ECD: variants seen among roughly 807,000 people sequenced by gnomAD.
ECD encodes protein ecdysoneless homolog.
ECD carries 59 observed loss-of-function variants against 77.2 expected under a neutral mutation model. The ratio of observed to expected loss-of-function variants is 0.76; its 90% CI spans 0.62 to 0.95. ECD has a LOEUF of 0.95. Ranked by LOEUF, ECD falls within the 40% of genes least tolerant of loss-of-function variation. ECD has a pLI of 0.00. For missense variants in ECD, 704 were observed against 763.4 expected (o/e 0.92, Z 0.92); for synonymous variants, 233 against 267.4 (o/e 0.87, Z 1.26).
At chr10:73,162,269 T>C (rs935341005) in intron 2 of ECD, among the ~76,000 whole-genome samples, 1 of 152,216 alleles carries the variant, frequency 6.6e-6, no homozygotes, top group Admixed American at 6.5e-5. Context: ...GGGTCTACAC[T>C]GAAGCCAAAT....
chr10:73,155,957 ATACT>A (rs1279056942), intron 5 of ECD, among the ~76,000 whole-genome samples: 1 of 152,154 alleles, frequency 6.6e-6, no homozygotes, highest in Non-Finnish European at 1.5e-5. Context: ...GATATAGCTA[ATACT>A]TAGCCACAAT....
At position 73,156,587 on chromosome 10, in the gene ECD, G is replaced by C; in HGVS notation, c.392C>G (p.Pro131Arg). The C allele has an allele frequency of 6.2e-7, 1 of 1,614,068 alleles. No individual in the cohort carries two copies. The highest frequency in any genetic ancestry group is 8.5e-7 in the Non-Finnish European group (1 of 1,180,026). The change falls in exon 4 of 14, where the codon CCT becomes CGT. Residue 131 changes from proline to arginine, a missense_variant. Pro to Arg is a moderately radical substitution (Grantham distance 103, BLOSUM62 -2). Coordinates refer to ENST00000372979, the MANE Select transcript of ECD (RefSeq NM_007265.3). ...AADFLPKWLDPENSTNRVFFC... is the reference protein window; with the variant it reads ...AADFLPKWLDRENSTNRVFFC... Reference sequence around the variant, plus strand: ...ACTTACCCTATTGGTGCTATTTTCAGGATCCAGCCATTTAGGGAGAAAGTC... The same window carrying C: ...ACTTACCCTATTGGTGCTATTTTCACGATCCAGCCATTTAGGGAGAAAGTC...
intron 5 of ECD, among the ~76,000 whole-genome samples, chr10:73,155,313 G>A (rs1468165551): frequency 6.6e-6 from 1 of 151,924 alleles, no homozygotes; most frequent in Non-Finnish European, 1.5e-5. Flanking sequence ...TGATCCACCC[G>A]CCCTGGCCTC....
intron 2 of ECD, among the ~76,000 whole-genome samples, chr10:73,162,336 C>T (rs770809853): frequency 8.5e-5 from 13 of 152,156 alleles, no homozygotes; most frequent in Admixed American, 1.3e-4. Flanking sequence ...TCTGACTGAA[C>T]ATGGTGAAGT....
chr10:73,152,508 C>T, intron 6 of ECD, 87 bp from the exon 7 acceptor site: 1 of 1,430,986 alleles, frequency 7.0e-7, no homozygotes, highest in Non-Finnish European at 9.6e-7. Flanking sequence ...ATGAGAAGTC[C>T]ATTTATAAGC....
rs187562446 is a variant in ECD at position 73,161,240 on chromosome 10, T to C, written c.206-689A>G. ...ATAAACATTACAGCAGAGAGAAATA[T>C]AGAGACCAGAAAAAATAATAGAAAA... On this transcript the variant is annotated intron_variant, in intron 2 of 13. Transcript: ENST00000372979. Among the ~76,000 whole-genome samples, 26 of 149,044 alleles carry C rather than the reference T, an allele frequency of 1.7e-4. No individual in the cohort carries two copies. The East Asian group carries it at 4.3e-3, about 25-fold the overall frequency.
chr10:73,148,336 C>T lies in ECD; in HGVS notation c.981G>A (p.Val327=). 6.2e-7 allele frequency: 1 copy of T among 1,613,912 alleles called. No homozygotes were observed. Among genetic ancestry groups the T allele is most frequent in the Non-Finnish European group, 8.5e-7 (1 of 1,179,894 alleles). ...AACTGGCCCAGAGTGGTGAGGCAGT[C>T]ACAAGGGATTTCTTGCAGTCAGAAA... is the stretch of plus-strand genomic sequence containing the variant. The part of the protein sequence containing the change: ...PHFSDCKKSL[V]TASPLWASFL... Residue 327 remains valine, a synonymous_variant, in exon 8 of 14, where the codon GTG becomes GTA. Coordinates refer to ENST00000372979, the MANE Select transcript of ECD (RefSeq NM_007265.3).
At position 73,134,780 on chromosome 10, in the gene ECD, C is replaced by A. The variant is rs762346877; in HGVS notation, c.1738G>T (p.Asp580Tyr). 4 of 1,614,160 alleles carry A rather than the reference C, an allele frequency of 2.5e-6. No individual in the cohort carries two copies. The highest frequency in any genetic ancestry group is 3.4e-6 in the Non-Finnish European group (4 of 1,180,036). Reference sequence around the variant, plus strand: ...TCTCCCGTACCAGAATCTTCCTCATCTGAATTGTTATCGGTAGTCTGGGAT... The same window carrying A: ...TCTCCCGTACCAGAATCTTCCTCATATGAATTGTTATCGGTAGTCTGGGAT... Reference protein sequence around the residue: ...PVSQTTDNNSDEEDSGTGESV... With the variant: ...PVSQTTDNNSYEEDSGTGESV... Residue 580 changes from aspartate (D) to tyrosine (Y), a missense_variant, in exon 14 of 14, where the codon GAT (aspartate) becomes TAT (tyrosine). By Grantham distance (160) the Asp-to-Tyr change is radical (BLOSUM62 -3). Coordinates refer to ENST00000372979, the MANE Select transcript of ECD (RefSeq NM_007265.3).
At chr10:73,138,165 GAT>G (rs1843002459) in intron 11 of ECD, 95 bp from the exon 12 acceptor site, 1 of 944,926 alleles carries the variant, frequency 1.1e-6, no homozygotes, top group Non-Finnish European at 1.4e-6. Context: ...AGCTACCAAA[GAT>G]AGAATTTCTA....
At chr10:73,158,954 T>A (rs1843339477) in intron 3 of ECD, among the ~76,000 whole-genome samples, 1 of 151,990 alleles carries the variant, frequency 6.6e-6, no homozygotes, top group East Asian at 1.9e-4. Flanking sequence ...ATAAAATGAG[T>A]TATCGCTTAG....
chr10:73,150,057 C>T (rs965060987), intron 7 of ECD, among the ~76,000 whole-genome samples: 3 of 152,094 alleles, frequency 2.0e-5, no homozygotes, highest in Non-Finnish European at 4.4e-5. Flanking sequence ...AAAGAGCCTG[C>T]ATTGCCAAGT....
chr10:73,148,892 G>A (rs948211885), intron 7 of ECD, among the ~76,000 whole-genome samples: 12 of 152,120 alleles, frequency 7.9e-5, no homozygotes, highest in Non-Finnish European at 1.8e-4. Context: ...TCAAGCTAGA[G>A]AACACCATTA....
rs1038335368 is a variant in ECD at position 73,133,711 on chromosome 10, T to A, written c.*872A>T. On this transcript the variant is annotated 3_prime_UTR_variant, in exon 14 of 14. Coordinates refer to ENST00000372979, the MANE Select transcript of ECD (RefSeq NM_007265.3). ...GGTGAATTTTATGATATATAGATAATACTTGATTTATTTTAGGAGGAATAT... is the reference window on the plus strand; with the variant it reads ...GGTGAATTTTATGATATATAGATAAAACTTGATTTATTTTAGGAGGAATAT... The A allele has an allele frequency of 6.6e-6, 1 of 152,136 alleles. No homozygotes were observed. The highest frequency in any genetic ancestry group is 2.4e-5 in the African/African-American group (1 of 41,422). The allele number at this position is 152,136 out of a possible 1,614,324, so 9.4% of individuals were successfully genotyped here.
intron 9 of ECD, among the ~76,000 whole-genome samples, chr10:73,142,470 T>C (rs1843071074): frequency 6.6e-6 from 1 of 151,666 alleles, no homozygotes; most frequent in African/African-American, 2.4e-5. Context: ...CTGTCTGTGC[T>C]AAAATACGAA....
At chr10:73,155,053 TTTA>T (rs1233697816) in intron 5 of ECD, among the ~76,000 whole-genome samples, 2 of 152,122 alleles carry the variant, frequency 1.3e-5, no homozygotes, top group Non-Finnish European at 2.9e-5. Context: ...TTATTTTTTA[TTTA>T]TTATTATTTT....
rs543715787 is a variant in ECD at position 73,137,015 on chromosome 10, G to T, written c.1490-97C>A. The T allele has an allele frequency of 1.2e-4, 74 of 633,254 alleles. No homozygotes were observed. The African/African-American group carries it at 1.3e-3, about 11-fold the overall frequency. 39.2% of individuals were successfully genotyped at this position (633,254 alleles called of 1,614,324 possible). ...GTTACTACACATCTCAAAATAATTA[G>T]AATGTTACCCACAGAAAAAGACTAA... is the stretch of plus-strand genomic sequence containing the variant. On this transcript the variant is annotated intron_variant, in intron 12 of 13. Coordinates refer to ENST00000372979, the MANE Select transcript of ECD (RefSeq NM_007265.3).
chr10:73,156,686 C>A (rs780100998), intron 3 of ECD, 31 bp from the exon 4 acceptor site: 2 of 1,588,428 alleles, frequency 1.3e-6, no homozygotes, highest in Admixed American at 1.7e-5. Flanking sequence ...ATTTTGCATT[C>A]AAAAAGCATA....
chr10:73,149,134 C>T lies in ECD; in HGVS notation c.913-730G>A, dbSNP rs1030960096. On this transcript the variant is annotated intron_variant, in intron 7 of 13. Coordinates refer to ENST00000372979, the MANE Select transcript of ECD (RefSeq NM_007265.3). ...CTAGAGCACAATTTATCTAACTATT[C>T]CCCTACTAATGGACATTTAAGTAGT... is the stretch of plus-strand genomic sequence containing the variant. Among the ~76,000 whole-genome samples the T allele has an allele frequency of 2.0e-5, 3 of 152,290 alleles. 1 individual carries two copies. The South Asian group carries it at 6.2e-4, about 32-fold the overall frequency.
chr10:73,163,246 G>GT (rs1843404246), intron 2 of ECD, among the ~76,000 whole-genome samples: 1 of 152,204 alleles, frequency 6.6e-6, no homozygotes, highest in Admixed American at 6.5e-5. Flanking sequence ...CAAAATGCTT[G>GT]TAAGTGGCAA....
Sources: allele counts gnomAD v4.1 joint callset (sites outside exome capture counted in the v4.1 genomes callset), GRCh38; gene constraint gnomAD v4.1.1; transcripts MANE v1.5; gene names NCBI Gene and HGNC (gene_info 2026-07-23, HGNC 2026-07-21).